The following CHN1 variants were observed in gnomAD, a reference collection of about 807,000 sequenced individuals.
CHN1 encodes N-chimaerin.
A neutral mutation model predicts 59.5 loss-of-function variants in CHN1; 37 were observed. The ratio of observed to expected loss-of-function variants is 0.62; its 90% confidence interval spans 0.48 to 0.82. The LOEUF (loss-of-function observed/expected upper bound fraction) is 0.82, where lower values mean the gene tolerates loss of function less well. CHN1 is among the 40% of genes least tolerant of loss of function. CHN1 has a pLI of 0.00. For missense variants in CHN1, 469 were observed against 571.0 expected, an observed-to-expected ratio of 0.82 and a Z score of 1.82; for synonymous variants, 206 against 200.4, an observed-to-expected ratio of 1.03 and a Z score of -0.24.
intron 3 of CHN1, among the ~76,000 whole-genome samples, chr2:174,939,573 T>C (rs1232555109): frequency 1.3e-5 from 2 of 152,184 alleles, no homozygotes; most frequent in African/African-American, 4.8e-5. Context: ...ACAAAGATAA[T>C]AGTCTTACTA....
intron 6 of CHN1, among the ~76,000 whole-genome samples, chr2:174,874,062 C>A (rs1687486568): frequency 6.6e-6 from 1 of 152,148 alleles, no homozygotes; most frequent in Non-Finnish European, 1.5e-5. Flanking sequence ...CAAATTATAT[C>A]ATTTGTTTGA....
intron 6 of CHN1, among the ~76,000 whole-genome samples, chr2:174,851,507 C>G (rs962873219): frequency 6.6e-6 from 1 of 152,120 alleles, no homozygotes; most frequent in Non-Finnish European, 1.5e-5. Context: ...GTCTGGAACT[C>G]CTGGGCTCAA....
At chr2:174,934,842 T>C (rs1292220705) in intron 3 of CHN1, among the ~76,000 whole-genome samples, 2 of 152,230 alleles carry the variant, frequency 1.3e-5, no homozygotes, top group African/African-American at 4.8e-5. Flanking sequence ...AGAATTCTAC[T>C]GCTTTAAATA....
chr2:174,964,724 T>A (rs767645728), intron 1 of CHN1, among the ~76,000 whole-genome samples: 1 of 152,250 alleles, frequency 6.6e-6, no homozygotes, highest in Non-Finnish European at 1.5e-5. Context: ...GTCAAGCATT[T>A]GTTATAGGAA....
chr2:174,803,736 T>C (rs371952664), intron 11 of CHN1, among the ~76,000 whole-genome samples: 13 of 152,288 alleles, frequency 8.5e-5, no homozygotes, highest in African/African-American at 2.9e-4. Flanking sequence ...TAATTTTTTA[T>C]GGAGACAAGG....
At chr2:174,987,845 G>A (rs1691399967) in intron 1 of CHN1, among the ~76,000 whole-genome samples, 1 of 152,052 alleles carries the variant, frequency 6.6e-6, no homozygotes, top group Admixed American at 6.6e-5. Context: ...TTTAGATGAT[G>A]GCAATTTTAT....
Position 174,923,981 on chromosome 2 carries a change from G to A in CHN1, c.115-5416C>T, listed in dbSNP as rs1689091667. Among the ~76,000 whole-genome samples, 2 of 152,186 alleles carry A rather than the reference G, an allele frequency of 1.3e-5. 1 individual carries two copies. Among genetic ancestry groups the A allele is most frequent in the South Asian group, 4.2e-4 (2 of 4,816 alleles). ...TTTCCTGTATTTTTATAATTGAAAT[G>A]TCAATCAAAACTTGAGATTTTTTTT... On this transcript the variant is annotated intron_variant, in intron 3 of 12. Transcript: ENST00000409900.
intron 6 of CHN1, among the ~76,000 whole-genome samples, chr2:174,865,897 T>C (rs578105236): frequency 6.6e-6 from 1 of 152,308 alleles, no homozygotes; most frequent in Admixed American, 6.5e-5. Flanking sequence ...GAAGGGACCT[T>C]GTGGTCATCT....
intron 6 of CHN1, among the ~76,000 whole-genome samples, chr2:174,866,925 T>C (rs1021019757): frequency 6.6e-6 from 1 of 152,086 alleles, no homozygotes; most frequent in Non-Finnish European, 1.5e-5. Context: ...TTTTTATTAG[T>C]TATCCTTATT....
chr2:174,869,910 T>C (rs1687351438), intron 6 of CHN1, among the ~76,000 whole-genome samples: 1 of 152,160 alleles, frequency 6.6e-6, no homozygotes, highest in South Asian at 2.1e-4. Context: ...AAGAAGGTGC[T>C]AAACAATCTG....
chr2:174,877,048 C>T (rs1330144666), intron 6 of CHN1, among the ~76,000 whole-genome samples: 1 of 151,998 alleles, frequency 6.6e-6, no homozygotes, highest in African/African-American at 2.4e-5. Flanking sequence ...AATTACAATA[C>T]CTAAAATGCC....
At chr2:174,919,907 T>C (rs1361214529) in intron 3 of CHN1, among the ~76,000 whole-genome samples, 1 of 152,192 alleles carries the variant, frequency 6.6e-6, no homozygotes, top group Non-Finnish European at 1.5e-5. Context: ...TTTTGTATCC[T>C]TTAACCAATA....
At chr2:174,841,307 G>A (rs1686293379) in intron 7 of CHN1, among the ~76,000 whole-genome samples, 1 of 152,196 alleles carries the variant, frequency 6.6e-6, no homozygotes, top group Admixed American at 6.5e-5. Context: ...CCACCGTGCT[G>A]AGGGGCAGTG....
chr2:174,912,614 G>T (rs1426383815), intron 5 of CHN1, among the ~76,000 whole-genome samples: 1 of 152,178 alleles, frequency 6.6e-6, no homozygotes, highest in Non-Finnish European at 1.5e-5. Flanking sequence ...AATGGATTAC[G>T]TGTATGTTAA....
chr2:174,951,343 G>T (rs932902514), intron 2 of CHN1, among the ~76,000 whole-genome samples: 3 of 152,082 alleles, frequency 2.0e-5, no homozygotes, highest in African/African-American at 7.2e-5. Context: ...AATCTGAATT[G>T]CTGTTCCTTC....
intron 2 of CHN1, among the ~76,000 whole-genome samples, chr2:174,947,276 T>C (rs1689868375): frequency 6.6e-6 from 1 of 152,164 alleles, no homozygotes; most frequent in Non-Finnish European, 1.5e-5. Flanking sequence ...GGTTTCAAAT[T>C]TGCTTTCATC....
intron 7 of CHN1, among the ~76,000 whole-genome samples, chr2:174,842,587 A>G (rs1384337455): frequency 1.3e-5 from 2 of 152,224 alleles, no homozygotes; most frequent in Non-Finnish European, 2.9e-5. Context: ...TAATTTTATT[A>G]TAAATGTGAA....
At chr2:174,850,754 A>T (rs1686703552) in intron 6 of CHN1, among the ~76,000 whole-genome samples, 1 of 152,192 alleles carries the variant, frequency 6.6e-6, no homozygotes, top group African/African-American at 2.4e-5. Flanking sequence ...TCTAATCCTA[A>T]TTTTTAAAAG....
chr2:174,990,260 TGTGAGA>T (rs1458027916), intron 1 of CHN1, among the ~76,000 whole-genome samples: 138 of 98,696 alleles, frequency 1.4e-3, no homozygotes, highest in Non-Finnish European at 1.8e-3. Context: ...TGTGTGTGTG[TGTGAGA>T]GAGAGAGAGA....
Sources: gnomAD v4.1 joint callset for allele counts (sites outside exome capture counted in the v4.1 genomes callset) on GRCh38, gnomAD v4.1.1 for gene constraint, MANE v1.5 for transcripts, NCBI Gene and HGNC (gene_info 2026-07-23, HGNC 2026-07-21) for gene names.